The following JAZF1 variants were observed in gnomAD, a reference collection of about 807,000 sequenced individuals.
The protein encoded by JAZF1 is juxtaposed with another zinc finger protein 1.
In JAZF1, 8 loss-of-function variants were observed where a neutral mutation model predicts 26.4. That is an observed-to-expected ratio of 0.30 (90% CI 0.18 to 0.55). JAZF1 has a LOEUF of 0.55. Among genes scored for constraint, JAZF1 ranks in the 20% least tolerant of loss-of-function variants. The pLI is 0.94. For synonymous variants in JAZF1, 126 were observed against 122.3 expected (o/e 1.03, Z -0.20); for missense variants, 199 against 322.0 (o/e 0.62, Z 2.92).
At chr7:28,030,704 T>A (rs1482058686) in intron 1 of JAZF1, among the ~76,000 whole-genome samples, 1 of 152,230 alleles carries the variant, frequency 6.6e-6, no homozygotes, top group Non-Finnish European at 1.5e-5. Flanking sequence ...TCAGTTACCA[T>A]CTTGACTTTA....
intron 2 of JAZF1, among the ~76,000 whole-genome samples, chr7:27,934,548 A>C (rs1784734492): frequency 6.6e-6 from 1 of 152,216 alleles, no homozygotes. Flanking sequence ...TGATAAATGC[A>C]GTTTGACAGA....
chr7:28,053,824 A>C (rs1783654535), intron 1 of JAZF1, among the ~76,000 whole-genome samples: 2 of 152,176 alleles, frequency 1.3e-5, no homozygotes, highest in Admixed American at 1.3e-4. Context: ...TCATACTGAG[A>C]AGATGCTAGA....
chr7:27,846,551 T>C (rs1385151793), intron 3 of JAZF1: 3 of 470,962 alleles, frequency 6.4e-6, no homozygotes, highest in East Asian at 1.4e-4. Context: ...TCATTTTCTG[T>C]AGGTATATAA....
chr7:27,988,018 C>T (rs1205366293), intron 2 of JAZF1, among the ~76,000 whole-genome samples: 2 of 152,084 alleles, frequency 1.3e-5, no homozygotes, highest in African/African-American at 4.8e-5. Flanking sequence ...TCACCACTCC[C>T]TAATCTCAAG....
Position 27,992,185 on chromosome 7 carries a change from C to A in JAZF1, c.116-204G>T, listed in dbSNP as rs1024348592. 1.9e-5 allele frequency: 12 copies of A among 634,946 alleles called. No homozygotes were observed. The Middle Eastern group carries it at 1.3e-3, about 67-fold the overall frequency. The allele number at this position is 634,946 out of a possible 1,614,324, so 39.3% of individuals were successfully genotyped here. ...ATTGCATTACTTTTCAAGGGAATTC[C>A]AAACATCAACAGTGATAAAATGTCC... On this transcript the variant is annotated intron_variant, in intron 1 of 4. Coordinates refer to ENST00000283928, the MANE Select transcript of JAZF1 (RefSeq NM_175061.4).
chr7:28,141,620 G>C (rs1782960204), intron 1 of JAZF1, among the ~76,000 whole-genome samples: 1 of 152,100 alleles, frequency 6.6e-6, no homozygotes, highest in Non-Finnish European at 1.5e-5. Context: ...AAAAGAAAAA[G>C]AAATCCTGGT....
At chr7:27,927,429 T>A (rs1325825210) in intron 2 of JAZF1, among the ~76,000 whole-genome samples, 2 of 152,218 alleles carry the variant, frequency 1.3e-5, no homozygotes, top group African/African-American at 4.8e-5. Flanking sequence ...AATGGACAAG[T>A]TTCTCAACAT....
rs547975715 is a variant in JAZF1, at chr7:27,963,368, G to GA, written c.188+28540dup. Among the ~76,000 whole-genome samples, 51 of 151,764 alleles carry GA rather than the reference G, an allele frequency of 3.4e-4. 1 individual carries two copies. Among genetic ancestry groups the GA allele is most frequent in the African/African-American group, 1.2e-3 (51 of 41,400 alleles). On this transcript the variant is annotated intron_variant, in intron 2 of 4. Coordinates refer to ENST00000283928, the MANE Select transcript of JAZF1 (RefSeq NM_175061.4). The stretch of plus-strand genomic sequence containing the variant: ...GGATCAGAGCAAATGCTTGGATGAG[G>GA]AAAAAAAACTACTCTTTTATTTCAT...
At chr7:28,078,198 AC>A (rs1784084561) in intron 1 of JAZF1, among the ~76,000 whole-genome samples, 2 of 152,350 alleles carry the variant, frequency 1.3e-5, no homozygotes, top group South Asian at 2.1e-4. Context: ...ATAATGTACC[AC>A]TTACGGGCAG....
At chr7:28,093,697 CA>C (rs1048791422) in intron 1 of JAZF1, among the ~76,000 whole-genome samples, 1 of 152,212 alleles carries the variant, frequency 6.6e-6, no homozygotes, top group African/African-American at 2.4e-5. Flanking sequence ...TTTGCCCATT[CA>C]GGGGGAAATG....
intron 1 of JAZF1, among the ~76,000 whole-genome samples, chr7:28,101,925 T>C (rs552458864): frequency 3.3e-5 from 5 of 152,308 alleles, no homozygotes; most frequent in South Asian, 2.1e-4. Context: ...CTTTTAGATA[T>C]ATTTTTAACA....
intron 1 of JAZF1, among the ~76,000 whole-genome samples, chr7:28,077,931 A>G (rs183788810): frequency 6.6e-6 from 1 of 152,276 alleles, no homozygotes; most frequent in Non-Finnish European, 1.5e-5. Flanking sequence ...TCTCCTCCCC[A>G]TCTACTATTT....
intron 3 of JAZF1, among the ~76,000 whole-genome samples, chr7:27,866,052 G>T (rs145954390): frequency 5.3e-5 from 8 of 152,248 alleles, no homozygotes; most frequent in Middle Eastern, 3.4e-3. Flanking sequence ...ACCTAGAATG[G>T]GTTCGCAGAC....
chr7:27,917,338 G>T lies in JAZF1; in HGVS notation c.189-21922C>A, dbSNP rs57770990. The stretch of plus-strand genomic sequence containing the variant: ...GCCTCTCCTCACTCTCAACTCTGGC[G>T]TATTTCTCCTCAGGTTTCACTGGCT... On this transcript the variant is annotated intron_variant, in intron 2 of 4. Transcript: ENST00000283928. Among the ~76,000 whole-genome samples, 1,217 of 151,872 alleles carry T rather than the reference G, an allele frequency of 8.0e-3. 26 individuals carry two copies. The highest frequency in any genetic ancestry group is 0.027 in the African/African-American group (1,129 of 41,160).
intron 1 of JAZF1, among the ~76,000 whole-genome samples, chr7:28,065,082 C>A (rs17156328): frequency 0.054 from 8,148 of 152,230 alleles, 385 homozygotes; most frequent in African/African-American, 0.12. Context: ...CAGATCCTGG[C>A]AGACAATAAC....
chr7:28,013,040 T>C (rs1782823668), intron 1 of JAZF1, among the ~76,000 whole-genome samples: 1 of 152,166 alleles, frequency 6.6e-6, no homozygotes, highest in African/African-American at 2.4e-5. Context: ...GGGCATTCTC[T>C]CCCACTAGCT....
intron 1 of JAZF1, among the ~76,000 whole-genome samples, chr7:28,082,510 A>G (rs768600846): frequency 1.3e-5 from 2 of 151,918 alleles, no homozygotes; most frequent in Non-Finnish European, 2.9e-5. Flanking sequence ...ATTTTAGTTA[A>G]TATCTGTATG....
intron 3 of JAZF1, among the ~76,000 whole-genome samples, chr7:27,881,244 C>A (rs1375297100): frequency 6.6e-6 from 1 of 152,110 alleles, no homozygotes; most frequent in Non-Finnish European, 1.5e-5. Flanking sequence ...TGGCAGTAGC[C>A]CATCTAGCCC....
At chr7:28,124,424 A>C (rs919970126) in intron 1 of JAZF1, among the ~76,000 whole-genome samples, 1 of 152,222 alleles carries the variant, frequency 6.6e-6, no homozygotes, top group African/African-American at 2.4e-5. Context: ...CTCGAGAGAA[A>C]GGGAAGGAAG....
Sources: allele counts gnomAD v4.1 joint callset (sites outside exome capture counted in the v4.1 genomes callset), GRCh38; gene constraint gnomAD v4.1.1; transcripts MANE v1.5; gene names NCBI Gene and HGNC (gene_info 2026-07-23, HGNC 2026-07-21).